Variants in BRAF observed in about 807,000 individuals in gnomAD.
BRAF encodes B-Raf proto-oncogene, serine/threonine kinase.
In BRAF, 16 loss-of-function variants were observed where a neutral mutation model predicts 104.6. The ratio of observed to expected loss-of-function variants is 0.15; its 90% CI spans 0.10 to 0.23. BRAF has a LOEUF of 0.23. Among genes scored for constraint, BRAF ranks in the 10% least tolerant of loss-of-function variants. The pLI is 1.00. For missense variants in BRAF, 541 were observed against 937.3 expected, an observed-to-expected ratio of 0.58 and a Z score of 5.52; for synonymous variants, 310 against 341.6, an observed-to-expected ratio of 0.91 and a Z score of 1.02.
chr7:140,799,752 C>G, intron 7 of BRAF: 1 of 236,098 alleles, frequency 4.2e-6, no homozygotes, highest in Non-Finnish European at 8.3e-6. Flanking sequence ...TCATCACATA[C>G]TTCAATATAC....
chr7:140,873,566 G>A (rs1170373961), intron 1 of BRAF, among the ~76,000 whole-genome samples: 1 of 152,208 alleles, frequency 6.6e-6, no homozygotes, highest in Non-Finnish European at 1.5e-5. Context: ...GAGACTGTGT[G>A]TGTGTGAGGG....
At position 140,746,939 on chromosome 7, in the gene BRAF, G is replaced by C. The variant is rs146436282; in HGVS notation, c.2112+2348C>G. 2.6e-3 allele frequency among the ~76,000 whole-genome samples: 397 copies of C among 152,142 alleles called. 5 individuals are homozygous for C. The highest frequency in any genetic ancestry group is 0.02 in the Admixed American group (304 of 15,296). ...GCCATTACATCACACTGCTTTACCA[G>C]CTGTGCTCTGAATTTACAGGCAAAA... On this transcript the variant is annotated intron_variant, in intron 17 of 19. Coordinates refer to ENST00000644969, the MANE Select transcript of BRAF (RefSeq NM_001374258.1).
In BRAF at chr7:140,851,617, G is replaced by A. The variant is rs374388317; in HGVS notation, c.139-1405C>T. Among the ~76,000 whole-genome samples, 5 of 152,210 alleles carry A rather than the reference G, an allele frequency of 3.3e-5. No individual in the cohort carries two copies. In the East Asian group the frequency reaches 5.8e-4, roughly 18 times the overall value. On this transcript the variant is annotated intron_variant, in intron 1 of 19. Coordinates refer to ENST00000644969, the MANE Select transcript of BRAF (RefSeq NM_001374258.1). ...CTAGGTATAGGATTCCAGGATTGAA[G>A]GATATACCTATTTTAAAATTTAATA...
At position 140,834,630 on chromosome 7, in the gene BRAF, C is replaced by G. The variant is rs61730029; in HGVS notation, c.483G>C (p.Leu161=). The G allele has an allele frequency of 3.0e-5, 48 of 1,614,116 alleles. No individual in the cohort carries two copies. The African/African-American group carries it at 5.5e-4, about 18-fold the overall frequency. ...TCACCACTGTCCTCTGTTTGTTGGG[C>G]AGGAAGACTCTAACGATAGGTTTTT... ...SPQKPIVRVF[L]PNKQRTVVPA... Residue 161 remains leucine, a synonymous_variant, in exon 3 of 20, where the codon CTG becomes CTC. Coordinates refer to ENST00000644969, the MANE Select transcript of BRAF (RefSeq NM_001374258.1).
chr7:140,766,895 G>A (rs1284568932), intron 14 of BRAF, among the ~76,000 whole-genome samples: 1 of 152,126 alleles, frequency 6.6e-6, no homozygotes, highest in Non-Finnish European at 1.5e-5. Context: ...GACTCACTCT[G>A]TTACCCAAGC....
intron 14 of BRAF, among the ~76,000 whole-genome samples, chr7:140,775,460 G>A (rs1800250814): frequency 6.6e-6 from 1 of 151,086 alleles, no homozygotes; most frequent in African/African-American, 2.4e-5. Context: ...TGATTCTTCT[G>A]CCTTAGCCTC....
chr7:140,841,745 A>G (rs1032809696), intron 2 of BRAF, among the ~76,000 whole-genome samples: 1 of 152,198 alleles, frequency 6.6e-6, no homozygotes, highest in Non-Finnish European at 1.5e-5. Context: ...ATGACTACTA[A>G]TGCATAAAGG....
chr7:140,753,257 A>G lies in BRAF; in HGVS notation c.1980+18T>C, dbSNP rs955242542. 3 of 1,577,488 alleles carry G rather than the reference A, an allele frequency of 1.9e-6. No individual in the cohort carries two copies. Among genetic ancestry groups the G allele is most frequent in the Non-Finnish European group, 2.6e-6 (3 of 1,148,266 alleles). On this transcript the variant is annotated intron_variant, in intron 16 of 19. Coordinates refer to ENST00000644969, the MANE Select transcript of BRAF (RefSeq NM_001374258.1). ...GGGCCAAAAATTTAATCAGTGGAAA[A>G]ATAGCCTCAATTCTTACCATCCACA...
intron 8 of BRAF, 131 bp downstream of exon 8, chr7:140,794,177 G>T: frequency 9.0e-7 from 1 of 1,107,966 alleles, no homozygotes; most frequent in Non-Finnish European, 1.3e-6. Flanking sequence ...TGATTCACAA[G>T]AAGCTTATCA....
intron 14 of BRAF, among the ~76,000 whole-genome samples, chr7:140,771,588 C>T (rs1469227356): frequency 6.6e-6 from 1 of 152,162 alleles, no homozygotes; most frequent in Non-Finnish European, 1.5e-5. Context: ...CTGCTTATAT[C>T]CAGAGACTTT....
chr7:140,905,274 T>A (rs1276744709), intron 1 of BRAF, among the ~76,000 whole-genome samples: 1 of 152,240 alleles, frequency 6.6e-6, no homozygotes, highest in Non-Finnish European at 1.5e-5. Context: ...AATCTGTCTA[T>A]TTCTTGTAGT....
Position 140,783,262 on chromosome 7 carries a change from T to C in BRAF, c.1298-105A>G, listed in dbSNP as rs1323794684. 1.1e-5 allele frequency: 16 copies of C among 1,402,120 alleles called. No individual in the cohort carries two copies. The East Asian group carries it at 2.2e-4, about 19-fold the overall frequency. 86.9% of individuals were successfully genotyped at this position (1,402,120 alleles called of 1,614,324 possible). ...ATTTAGACTTAATTTTAAAATGTAGTGCATGTTTAAATATAGACCTTTTGG... is the reference window on the plus strand; with the variant it reads ...ATTTAGACTTAATTTTAAAATGTAGCGCATGTTTAAATATAGACCTTTTGG... On this transcript the variant is annotated intron_variant, in intron 10 of 19. Coordinates refer to ENST00000644969, the MANE Select transcript of BRAF (RefSeq NM_001374258.1).
intron 9 of BRAF, among the ~76,000 whole-genome samples, chr7:140,786,569 G>A (rs1438587488): frequency 6.6e-6 from 1 of 152,166 alleles, no homozygotes; most frequent in African/African-American, 2.4e-5. Context: ...GTTGTCTTAT[G>A]TGCTAGAGTG....
rs925065968 is a variant in BRAF at position 140,770,797 on chromosome 7, G to C, written c.1814+6115C>G. Among the ~76,000 whole-genome samples, 14 of 151,978 alleles carry C rather than the reference G, an allele frequency of 9.2e-5. 1 individual carries two copies. Among genetic ancestry groups the C allele is most frequent in the Non-Finnish European group, 1.3e-4 (9 of 67,982 alleles). On this transcript the variant is annotated intron_variant, in intron 14 of 19. Transcript: ENST00000644969. ...AAAAATACAAAATTAGCCAGGTGTGGTGGTGGGTGCCTGTAATCCCAGTTA... is the reference window on the plus strand; with the variant it reads ...AAAAATACAAAATTAGCCAGGTGTGCTGGTGGGTGCCTGTAATCCCAGTTA...
chr7:140,862,529 ATGAAT>A (rs1810530071), intron 1 of BRAF, among the ~76,000 whole-genome samples: 1 of 152,258 alleles, frequency 6.6e-6, no homozygotes, highest in South Asian at 2.1e-4. Context: ...GCTAAGGCGG[ATGAAT>A]TAAAAGACTC....
intron 7 of BRAF, 68 bp downstream of exon 7, chr7:140,800,294 T>A: frequency 8.1e-6 from 13 of 1,609,866 alleles, no homozygotes; most frequent in Non-Finnish European, 1.0e-5. Flanking sequence ...AGGTTTCTAA[T>A]TAACCAGGAG....
chr7:140,874,018 A>G (rs1404273896), intron 1 of BRAF, among the ~76,000 whole-genome samples: 2 of 152,178 alleles, frequency 1.3e-5, no homozygotes, highest in African/African-American at 2.4e-5. Context: ...GAGCAGAAAT[A>G]TTAGTAGTCA....
intron 3 of BRAF, among the ~76,000 whole-genome samples, chr7:140,822,150 G>A (rs530032565): frequency 2.0e-5 from 3 of 151,984 alleles, no homozygotes; most frequent in South Asian, 2.1e-4. Flanking sequence ...TGTACCTCCT[G>A]AATCTAAAAT....
chr7:140,804,053 C>T (rs1803400545), intron 5 of BRAF, among the ~76,000 whole-genome samples: 1 of 151,798 alleles, frequency 6.6e-6, no homozygotes, highest in African/African-American at 2.4e-5. Flanking sequence ...GCCTAGCTAA[C>T]GTTTGTATTT....
Sources: allele counts gnomAD v4.1 joint callset (sites outside exome capture counted in the v4.1 genomes callset), GRCh38; gene constraint gnomAD v4.1.1; transcripts MANE v1.5; gene names NCBI Gene and HGNC (gene_info 2026-07-23, HGNC 2026-07-21).